Variants in ANKRD45 observed in about 807,000 individuals in gnomAD.
ANKRD45 encodes ankyrin repeat domain 45, also known as ankyrin repeat domain-containing protein 45.
ANKRD45 carries 21 observed loss-of-function variants against 28.1 expected under a neutral mutation model. The observed-to-expected ratio is 0.75, with a 90% confidence interval of 0.53 to 1.08. The LOEUF (loss-of-function observed/expected upper bound fraction) is 1.08. Ranked by LOEUF, ANKRD45 falls within the 50% of genes least tolerant of loss-of-function variation. The probability of loss-of-function intolerance (pLI) is 0.00; values close to 1 mark genes in which losing one functional copy is unlikely to be tolerated. For missense variants in ANKRD45, 261 were observed against 308.7 expected (o/e 0.85, Z 1.16); for synonymous variants, 86 against 103.9 (o/e 0.83, Z 1.05).
chr1:173,622,786 C>A (rs1667761350), intron 5 of ANKRD45, among the ~76,000 whole-genome samples: 1 of 152,018 alleles, frequency 6.6e-6, no homozygotes, highest in Non-Finnish European at 1.5e-5. Flanking sequence ...GCAATTGCAA[C>A]AAAAGGAAAA....
At chr1:173,682,934 CCT>C in the ANKRD45 span, among the ~76,000 whole-genome samples, 6 of 132,158 alleles carry the variant, frequency 4.5e-5, no homozygotes, top group Non-Finnish European at 9.1e-5. Context: ...AAAAATCTTG[CCT>C]CTCTCTTTTT....
chr1:173,646,726 CTG>C, intron 3 of ANKRD45, 118 bp downstream of exon 3: 1 of 974,204 alleles, frequency 1.0e-6, no homozygotes, highest in South Asian at 1.7e-5. Flanking sequence ...TTATCACCAA[CTG>C]TGACTGTGGT....
intron 5 of ANKRD45, among the ~76,000 whole-genome samples, chr1:173,617,494 G>A (rs1667514916): frequency 6.6e-6 from 1 of 152,246 alleles, no homozygotes; most frequent in South Asian, 2.1e-4. Flanking sequence ...GCACAATGCA[G>A]CACAGCTGCT....
chr1:173,661,218 C>T (rs1361128826), intron 1 of ANKRD45, among the ~76,000 whole-genome samples: 2 of 151,864 alleles, frequency 1.3e-5, no homozygotes, highest in Non-Finnish European at 2.9e-5. Context: ...TGGGAGAAGA[C>T]AAGATGTGGG....
the ANKRD45 span, chr1:173,675,472 G>A: frequency 1.8e-5 from 3 of 169,656 alleles, no homozygotes; most frequent in South Asian, 3.3e-4. Context: ...AAACTAGCTA[G>A]GCATGCTGGC....
intron 5 of ANKRD45, 146 bp from the exon 6 acceptor site, chr1:173,610,361 T>C: frequency 1.4e-6 from 1 of 718,928 alleles, no homozygotes; most frequent in Non-Finnish European, 2.4e-6. Context: ...GTTGTTGGTA[T>C]GTCATTCAAA....
chr1:173,696,745 T>C, the ANKRD45 span, among the ~76,000 whole-genome samples: 1 of 152,128 alleles, frequency 6.6e-6, no homozygotes, highest in Non-Finnish European at 1.5e-5. Flanking sequence ...GGATTGCTTT[T>C]GCTATTAGGG....
At chr1:173,642,868 G>A (rs1170378221) in intron 3 of ANKRD45, among the ~76,000 whole-genome samples, 3 of 152,212 alleles carry the variant, frequency 2.0e-5, no homozygotes, top group South Asian at 2.1e-4. Context: ...CACAGCAGCA[G>A]GGTGGATGCA....
chr1:173,640,396 C>T (rs995310492), intron 3 of ANKRD45, among the ~76,000 whole-genome samples: 1 of 151,998 alleles, frequency 6.6e-6, no homozygotes, highest in Non-Finnish European at 1.5e-5. Flanking sequence ...TGTTAACCAC[C>T]GAGACTGCCG....
intron 5 of ANKRD45, among the ~76,000 whole-genome samples, chr1:173,614,279 TAAATA>T (rs778291938): frequency 4.7e-5 from 7 of 150,158 alleles, no homozygotes; most frequent in East Asian, 1.9e-4. Flanking sequence ...AAAAAAAAAA[TAAATA>T]AAATAAAATA....
the ANKRD45 span, chr1:173,714,967 G>T: frequency 6.5e-6 from 1 of 152,758 alleles, no homozygotes; most frequent in African/African-American, 2.4e-5. Flanking sequence ...AAAGGAAATA[G>T]CTCTACGAGC....
chr1:173,695,068 C>T, the ANKRD45 span, among the ~76,000 whole-genome samples: 2 of 152,072 alleles, frequency 1.3e-5, no homozygotes, highest in African/African-American at 4.8e-5. Flanking sequence ...CTGGCCCTTC[C>T]TACCTATGTT....
chr1:173,645,613 C>G (rs935024869), intron 3 of ANKRD45, among the ~76,000 whole-genome samples: 2 of 152,138 alleles, frequency 1.3e-5, no homozygotes, highest in Non-Finnish European at 2.9e-5. Flanking sequence ...AGTAGGGACA[C>G]CAGTATTTAA....
rs1188200154 is a variant in ANKRD45, at chr1:173,609,210, A to G, written c.*935T>C. Among the ~76,000 whole-genome samples the G allele has an allele frequency of 6.6e-6, 1 of 152,230 alleles. No individual in the cohort carries two copies. The highest frequency in any genetic ancestry group is 2.4e-5 in the African/African-American group (1 of 41,468). On this transcript the variant is annotated 3_prime_UTR_variant, in exon 6 of 6. Transcript: ENST00000333279. ...AGGGTTATCTCAAAACCATGGTTAA[A>G]TAAATGTCAACTGACAAAGTATTAC...
At position 173,610,214 on chromosome 1, in the gene ANKRD45, A is replaced by G; in HGVS notation, c.732T>C (p.Cys244=). 1 of 1,613,690 alleles carries G rather than the reference A, an allele frequency of 6.2e-7. No individual in the cohort carries two copies. ...TPIFTKMTTP[C]QVKSAKSVTS... is the part of the protein sequence containing the mutation. Reference sequence around the variant, plus strand: ...TTACAGATTTGGCACTTTTCACTTGACCTGAAAGGAAACAGATTTTAAAAT... The same window carrying G: ...TTACAGATTTGGCACTTTTCACTTGGCCTGAAAGGAAACAGATTTTAAAAT... Residue 244 remains cysteine, a splice_region_variant and synonymous_variant, in exon 6 of 6, where the codon TGT becomes TGC. Transcript: ENST00000333279.
the ANKRD45 span, among the ~76,000 whole-genome samples, chr1:173,708,355 T>C: frequency 6.6e-6 from 1 of 152,240 alleles, no homozygotes; most frequent in African/African-American, 2.4e-5. Flanking sequence ...AGCTCCCTTA[T>C]GGCTCAGGTT....
At chr1:173,684,751 T>C in the ANKRD45 span, among the ~76,000 whole-genome samples, 3 of 152,208 alleles carry the variant, frequency 2.0e-5, no homozygotes, top group East Asian at 5.8e-4. Context: ...CTCCGCTTTC[T>C]GCTAATATCA....
At chr1:173,641,340 C>T (rs1668691445) in intron 3 of ANKRD45, among the ~76,000 whole-genome samples, 1 of 152,214 alleles carries the variant, frequency 6.6e-6, no homozygotes, top group South Asian at 2.1e-4. Flanking sequence ...TGTATGGTGG[C>T]TCTCTTCCAG....
At chr1:173,677,775 T>TA in the ANKRD45 span, among the ~76,000 whole-genome samples, 100 of 151,132 alleles carry the variant, frequency 6.6e-4, no homozygotes, top group Non-Finnish European at 1.3e-3. Context: ...ACCTTAATTT[T>TA]AAAAAAAAAC....
Sources: allele counts gnomAD v4.1 joint callset (sites outside exome capture counted in the v4.1 genomes callset), GRCh38; gene constraint gnomAD v4.1.1; transcripts MANE v1.5; gene names NCBI Gene and HGNC (gene_info 2026-07-23, HGNC 2026-07-21).